AGMO: variants seen among roughly 807,000 people sequenced by gnomAD.
The protein encoded by AGMO is alkylglycerol monooxygenase.
Under a neutral mutation model 60.2 loss-of-function variants are expected in AGMO, and 75 were observed. The ratio of observed to expected loss-of-function variants is 1.25; its 90% CI spans 1.03 to 1.51. AGMO has a LOEUF of 1.51. AGMO is among the 40% of genes most tolerant of loss of function. The probability of loss-of-function intolerance (pLI) is 0.00; values close to 1 mark genes in which losing one functional copy is unlikely to be tolerated. For synonymous variants in AGMO, 261 were observed against 177.1 expected, an observed-to-expected ratio of 1.47 and a Z score of -3.76; for missense variants, 763 against 525.5, an observed-to-expected ratio of 1.45 and a Z score of -4.42.
At chr7:15,252,913 G>A (rs1782980926) in intron 12 of AGMO, among the ~76,000 whole-genome samples, 1 of 152,118 alleles carries the variant, frequency 6.6e-6, no homozygotes, top group Non-Finnish European at 1.5e-5. Flanking sequence ...AAGAGAATGT[G>A]TCCAGAAAGA....
chr7:15,188,919 C>G, the AGMO span, among the ~76,000 whole-genome samples: 1 of 151,864 alleles, frequency 6.6e-6, no homozygotes, highest in South Asian at 2.1e-4. Flanking sequence ...CCAGTTGTGT[C>G]CAAGAGAGAA....
intron 12 of AGMO, among the ~76,000 whole-genome samples, chr7:15,347,496 A>T (rs927621654): frequency 1.3e-5 from 2 of 152,012 alleles, no homozygotes; most frequent in Non-Finnish European, 2.9e-5. Flanking sequence ...TTATGATCTT[A>T]TCTGTCTCCT....
intron 12 of AGMO, among the ~76,000 whole-genome samples, chr7:15,363,782 T>C (rs1257916153): frequency 6.6e-6 from 1 of 152,118 alleles, no homozygotes; most frequent in Non-Finnish European, 1.5e-5. Context: ...AAGGAACCTA[T>C]GTTCTCTATT....
intron 3 of AGMO, among the ~76,000 whole-genome samples, chr7:15,476,180 T>C (rs901445479): frequency 6.6e-6 from 1 of 152,098 alleles, no homozygotes; most frequent in Non-Finnish European, 1.5e-5. Context: ...AAGATGAACT[T>C]ATTATCAAGA....
intron 5 of AGMO, among the ~76,000 whole-genome samples, chr7:15,402,745 T>C (rs990486170): frequency 6.6e-6 from 1 of 150,976 alleles, no homozygotes; most frequent in African/African-American, 2.4e-5. Flanking sequence ...ATAAGGGTTT[T>C]CTATCAACAC....
intron 12 of AGMO, among the ~76,000 whole-genome samples, chr7:15,335,001 G>C (rs1368223432): frequency 6.6e-6 from 1 of 152,126 alleles, no homozygotes. Flanking sequence ...ATTGGAGATG[G>C]AAATGCTAGC....
intron 2 of AGMO, among the ~76,000 whole-genome samples, chr7:15,559,826 C>G (rs1785252703): frequency 6.6e-6 from 1 of 151,882 alleles, no homozygotes; most frequent in Non-Finnish European, 1.5e-5. Context: ...CTTTCTGAAG[C>G]TGGAAGAGAC....
At chr7:15,342,961 G>A (rs1272581751) in intron 12 of AGMO, among the ~76,000 whole-genome samples, 1 of 151,918 alleles carries the variant, frequency 6.6e-6, no homozygotes, top group Non-Finnish European at 1.5e-5. Flanking sequence ...TACTTAGAAT[G>A]GAGCAGACTC....
At chr7:15,288,135 T>G (rs1185425780) in intron 12 of AGMO, among the ~76,000 whole-genome samples, 1 of 152,146 alleles carries the variant, frequency 6.6e-6, no homozygotes, top group Non-Finnish European at 1.5e-5. Context: ...ACCATTCTCC[T>G]GCCTTGGCCT....
intron 12 of AGMO, among the ~76,000 whole-genome samples, chr7:15,220,946 G>A (rs979814879): frequency 2.6e-5 from 4 of 152,146 alleles, no homozygotes; most frequent in African/African-American, 7.2e-5. Context: ...GATGATATTC[G>A]TAAATCTTAT....
intron 12 of AGMO, among the ~76,000 whole-genome samples, chr7:15,211,567 T>C (rs1030273460): frequency 3.3e-5 from 5 of 152,004 alleles, no homozygotes; most frequent in Non-Finnish European, 7.4e-5. Context: ...ATGTTTTTTT[T>C]TGAGTTTTTA....
chr7:15,430,629 T>A (rs1246678654), intron 4 of AGMO, among the ~76,000 whole-genome samples: 2 of 106,970 alleles, frequency 1.9e-5, no homozygotes, highest in South Asian at 3.0e-4. Flanking sequence ...CTGGTTTTTT[T>A]TAAAAAAAAA....
At chr7:15,253,423 A>G (rs893697883) in intron 12 of AGMO, among the ~76,000 whole-genome samples, 3 of 152,150 alleles carry the variant, frequency 2.0e-5, no homozygotes, top group African/African-American at 7.2e-5. Flanking sequence ...ATTCAAGTAG[A>G]AAGTGGATAT....
chr7:15,366,422 T>C (rs779635523), intron 10 of AGMO, among the ~76,000 whole-genome samples, 200 bp from the exon 11 acceptor site: 4 of 152,134 alleles, frequency 2.6e-5, no homozygotes, highest in Non-Finnish European at 5.9e-5. Context: ...ACTTGGAGAA[T>C]TAGACAATTC....
At chr7:15,374,496 G>C (rs557447114) in intron 10 of AGMO, among the ~76,000 whole-genome samples, 1 of 152,078 alleles carries the variant, frequency 6.6e-6, no homozygotes, top group South Asian at 2.1e-4. Flanking sequence ...CAAAATATTA[G>C]ATATGTAACA....
chr7:15,205,986 C>T (rs990740509), intron 12 of AGMO, among the ~76,000 whole-genome samples: 2 of 151,906 alleles, frequency 1.3e-5, no homozygotes, highest in Non-Finnish European at 2.9e-5. Context: ...TACTTTTTTC[C>T]TAAATTATTT....
At chr7:15,478,669 T>C (rs1782663225) in intron 3 of AGMO, among the ~76,000 whole-genome samples, 2 of 152,146 alleles carry the variant, frequency 1.3e-5, no homozygotes, top group Admixed American at 1.3e-4. Context: ...CCTCAGACGC[T>C]GGCCATGTCA....
the AGMO span, among the ~76,000 whole-genome samples, chr7:15,152,298 T>C: frequency 6.6e-6 from 1 of 152,130 alleles, no homozygotes; most frequent in Non-Finnish European, 1.5e-5. Flanking sequence ...AGCATCAAAC[T>C]GTAAGCAGTT....
intron 3 of AGMO, among the ~76,000 whole-genome samples, chr7:15,529,006 G>A (rs1267220843): frequency 1.3e-5 from 2 of 151,986 alleles, no homozygotes; most frequent in African/African-American, 2.4e-5. Context: ...AGAAAGTGGG[G>A]TTATGGCATC....
Sources: gnomAD v4.1 joint callset for allele counts (sites outside exome capture counted in the v4.1 genomes callset) on GRCh38, gnomAD v4.1.1 for gene constraint, MANE v1.5 for transcripts, NCBI Gene and HGNC (gene_info 2026-07-23, HGNC 2026-07-21) for gene names.